The following SYNPO2 variants were observed in gnomAD, a reference collection of about 807,000 sequenced individuals.
SYNPO2 encodes synaptopodin-2.
A neutral mutation model predicts 85.0 loss-of-function variants in SYNPO2; 56 were observed. The observed-to-expected ratio is 0.66, with a 90% confidence interval of 0.53 to 0.82. The LOEUF (loss-of-function observed/expected upper bound fraction) is 0.82. Ranked by LOEUF, SYNPO2 falls within the 40% of genes least tolerant of loss-of-function variation. SYNPO2 has a pLI of 0.00. For missense variants in SYNPO2, 1,575 were observed against 1,534.2 expected (o/e 1.03, Z -0.44); for synonymous variants, 602 against 591.1 (o/e 1.02, Z -0.27).
chr4:118,859,758 C>T (rs539609104), intron 1 of SYNPO2, among the ~76,000 whole-genome samples: 57 of 152,196 alleles, frequency 3.7e-4, no homozygotes, highest in South Asian at 2.1e-4. Context: ...TTCTTTTCTA[C>T]GGCTGAATAG....
chr4:118,900,614 T>G (rs531289820), intron 1 of SYNPO2, among the ~76,000 whole-genome samples: 1 of 150,870 alleles, frequency 6.6e-6, no homozygotes, highest in South Asian at 2.1e-4. Flanking sequence ...AGTAATGCAC[T>G]GAATGAATTT....
In SYNPO2 at chr4:118,976,479, C is replaced by T. The variant is rs569309145; in HGVS notation, c.106-46951C>T. On this transcript the variant is annotated intron_variant, in intron 1 of 4. Transcript: ENST00000307142. The stretch of plus-strand genomic sequence containing the variant: ...TGTGGAAGGGGACCCTAGCGGGTTG[C>T]CAATGCTGGCTAGGGCAGCCTGCTT... 1.0e-3 allele frequency among the ~76,000 whole-genome samples: 156 copies of T among 152,304 alleles called. 3 individuals carry two copies. The highest frequency in any genetic ancestry group is 8.9e-3 in the Admixed American group (136 of 15,302).
intron 4 of SYNPO2, among the ~76,000 whole-genome samples, chr4:119,052,524 A>G (rs906280165): frequency 4.6e-5 from 7 of 152,142 alleles, no homozygotes; most frequent in African/African-American, 1.7e-4. Flanking sequence ...ATCAAGTAAA[A>G]ACTTTCTTCT....
chr4:118,878,719 A>G (rs1560814915), intron 1 of SYNPO2, among the ~76,000 whole-genome samples: 1 of 152,142 alleles, frequency 6.6e-6, no homozygotes, highest in Non-Finnish European at 1.5e-5. Flanking sequence ...AAACACACCA[A>G]TCAGCACTCT....
chr4:118,960,785 A>G (rs1256526105), intron 1 of SYNPO2, among the ~76,000 whole-genome samples: 1 of 152,146 alleles, frequency 6.6e-6, no homozygotes, highest in Non-Finnish European at 1.5e-5. Flanking sequence ...CAAGTACTCC[A>G]TGGCTCCAGG....
chr4:118,944,428 G>T (rs185849198), intron 1 of SYNPO2, among the ~76,000 whole-genome samples: 1 of 152,136 alleles, frequency 6.6e-6, no homozygotes, highest in Non-Finnish European at 1.5e-5. Context: ...TAAAAATAAA[G>T]CAATGGCTCC....
At chr4:119,038,543 GC>G in intron 4 of SYNPO2, 1 of 985,422 alleles carries the variant, frequency 1.0e-6, no homozygotes, top group Non-Finnish European at 1.2e-6. Context: ...TTGGCTTTCT[GC>G]CATTTTAACT....
rs376173987 is a variant in SYNPO2 at position 119,026,779 on chromosome 4, A to G, written c.410A>G (p.Lys137Arg). The change falls in exon 3 of 5, where the codon AAG (lysine) becomes AGG (arginine). Residue 137 changes from lysine to arginine, a missense_variant. By Grantham distance (26) the Lys-to-Arg change is conservative. This residue lies in a region of SYNPO2 where 1,508 missense variants were observed against 1,446.8 expected (regional missense o/e 1.04). Coordinates refer to ENST00000307142, the MANE Select transcript of SYNPO2 (RefSeq NM_133477.3). ...QCTEFFLAPVKTEVPLAENQR... is the reference protein window; with the variant it reads ...QCTEFFLAPVRTEVPLAENQR... The stretch of plus-strand genomic sequence containing the variant: ...ACAGAATTCTTCCTCGCCCCTGTCA[A>G]GACTGAAGTTCCCCTAGCTGAGAAC... 8 of 1,613,096 alleles carry G rather than the reference A, an allele frequency of 5.0e-6. No homozygotes were observed. Among genetic ancestry groups the G allele is most frequent in the Non-Finnish European group, 6.8e-6 (8 of 1,179,782 alleles).
chr4:118,869,389 T>C (rs1731761153), intron 1 of SYNPO2, among the ~76,000 whole-genome samples: 1 of 152,224 alleles, frequency 6.6e-6, no homozygotes, highest in Admixed American at 6.5e-5. Flanking sequence ...ATTATTGTTT[T>C]TTTGTCACTC....
intron 1 of SYNPO2, among the ~76,000 whole-genome samples, chr4:118,989,832 C>G (rs1442120234): frequency 1.3e-5 from 2 of 152,202 alleles, no homozygotes; most frequent in Non-Finnish European, 2.9e-5. Context: ...GACAGAAGCT[C>G]TCCAAGGAGA....
chr4:118,909,840 G>A (rs907912579), intron 1 of SYNPO2, among the ~76,000 whole-genome samples: 3 of 152,154 alleles, frequency 2.0e-5, no homozygotes, highest in African/African-American at 7.2e-5. Context: ...TCTGACTCTT[G>A]ACAGAAGTTG....
At chr4:118,878,917 C>G (rs189536558) in intron 1 of SYNPO2, among the ~76,000 whole-genome samples, 4 of 152,326 alleles carry the variant, frequency 2.6e-5, no homozygotes, top group African/African-American at 9.6e-5. Flanking sequence ...GCAGTAAATC[C>G]TACTGCTGTT....
intron 2 of SYNPO2, among the ~76,000 whole-genome samples, chr4:119,026,016 T>C (rs1390554726): frequency 6.6e-6 from 1 of 152,176 alleles, no homozygotes; most frequent in African/African-American, 2.4e-5. Context: ...AGATTATAAA[T>C]ACTCCATGAC....
chr4:118,889,420 A>G (rs547327336), intron 1 of SYNPO2, among the ~76,000 whole-genome samples: 13 of 152,292 alleles, frequency 8.5e-5, no homozygotes, highest in African/African-American at 2.6e-4. Context: ...TCTTCTGACA[A>G]CAAGCAAGAC....
intron 1 of SYNPO2, among the ~76,000 whole-genome samples, chr4:118,873,603 C>A (rs1731842746): frequency 6.6e-6 from 1 of 151,976 alleles, no homozygotes; most frequent in Non-Finnish European, 1.5e-5. Flanking sequence ...AAATACTAGT[C>A]CTTTGTTGGA....
At chr4:118,900,524 T>A (rs960424807) in intron 1 of SYNPO2, among the ~76,000 whole-genome samples, 3 of 152,042 alleles carry the variant, frequency 2.0e-5, no homozygotes, top group Non-Finnish European at 4.4e-5. Context: ...ATGGTTTAAA[T>A]GTGAGTTTCT....
intron 4 of SYNPO2, chr4:119,033,826 A>G (rs1738383351): frequency 2.0e-6 from 2 of 984,834 alleles, no homozygotes; most frequent in Non-Finnish European, 2.4e-6. Flanking sequence ...GGCTCCCACA[A>G]CAATTTCATT....
rs188787801 is a variant in SYNPO2 at position 119,059,489 on chromosome 4, A to G, written c.*1555A>G. The G allele has an allele frequency of 2.0e-5, 3 of 152,314 alleles. No individual in the cohort carries two copies. The highest frequency in any genetic ancestry group is 2.9e-5 in the Non-Finnish European group (2 of 68,026). The allele number at this position is 152,314 out of a possible 1,614,324, so 9.4% of individuals were successfully genotyped here. On this transcript the variant is annotated 3_prime_UTR_variant, in exon 5 of 5. Transcript: ENST00000307142. Reference sequence around the variant, plus strand: ...TCAAACACCTGCTCCTTATTGCCATACCCACGAACTGTTAAATATAAAAAA... The same window carrying G: ...TCAAACACCTGCTCCTTATTGCCATGCCCACGAACTGTTAAATATAAAAAA...
chr4:119,038,590 A>G (rs1224229501), intron 4 of SYNPO2: 1 of 981,634 alleles, frequency 1.0e-6, no homozygotes, highest in African/African-American at 1.7e-5. Flanking sequence ...TTAAGTAGTG[A>G]ATCAGCACCT....
Sources: allele counts gnomAD v4.1 joint callset (sites outside exome capture counted in the v4.1 genomes callset), GRCh38; gene constraint gnomAD v4.1.1; regional missense constraint gnomAD v4.1.1; transcripts MANE v1.5; gene names NCBI Gene and HGNC (gene_info 2026-07-23, HGNC 2026-07-21).